Variants in ADAMTS12 observed in about 807,000 individuals in gnomAD.
ADAMTS12 encodes the protein A disintegrin and metalloproteinase with thrombospondin motifs 12.
In ADAMTS12, 118 loss-of-function variants were observed where a neutral mutation model predicts 167.8. The observed-to-expected ratio is 0.70, with a 90% confidence interval of 0.61 to 0.82. The LOEUF (loss-of-function observed/expected upper bound fraction) is 0.82. Ranked by LOEUF, ADAMTS12 falls within the 40% of genes least tolerant of loss-of-function variation. ADAMTS12 has a pLI of 0.00. For synonymous variants in ADAMTS12, 704 were observed against 716.9 expected (o/e 0.98, Z 0.29); for missense variants, 1,916 against 1,998.8 (o/e 0.96, Z 0.79).
chr5:33,633,447 A>G (rs1228184976), intron 12 of ADAMTS12, among the ~76,000 whole-genome samples: 1 of 151,508 alleles, frequency 6.6e-6, no homozygotes, highest in South Asian at 2.1e-4. Flanking sequence ...AGGAAATAAC[A>G]TTTATAATAA....
intron 2 of ADAMTS12, among the ~76,000 whole-genome samples, chr5:33,792,629 A>C (rs1269428641): frequency 2.0e-5 from 3 of 152,220 alleles, no homozygotes; most frequent in African/African-American, 4.8e-5. Context: ...CACTGCAGCT[A>C]TCTCTGACCC....
chr5:33,597,165 CT>C (rs1406675646), intron 16 of ADAMTS12, among the ~76,000 whole-genome samples: 2 of 152,220 alleles, frequency 1.3e-5, no homozygotes, highest in Non-Finnish European at 2.9e-5. Context: ...GAAAGGACCA[CT>C]GACTTTGATA....
At chr5:33,671,677 G>A (rs1741695547) in intron 5 of ADAMTS12, among the ~76,000 whole-genome samples, 1 of 151,878 alleles carries the variant, frequency 6.6e-6, no homozygotes, top group South Asian at 2.1e-4. Flanking sequence ...GAGTTACAGT[G>A]GGTAGGAAGA....
chr5:33,803,773 G>A (rs763945398), intron 2 of ADAMTS12, among the ~76,000 whole-genome samples: 1 of 152,156 alleles, frequency 6.6e-6, no homozygotes, highest in Admixed American at 6.5e-5. Flanking sequence ...GTGTGCAGGG[G>A]AACTGCCCTT....
intron 22 of ADAMTS12, among the ~76,000 whole-genome samples, chr5:33,544,216 T>C (rs1579643577): frequency 6.6e-6 from 1 of 152,120 alleles, no homozygotes; most frequent in East Asian, 1.9e-4. Context: ...TATACAACAA[T>C]AACAGACAAA....
At chr5:33,629,465 C>A (rs1227475935) in intron 13 of ADAMTS12, among the ~76,000 whole-genome samples, 1 of 152,100 alleles carries the variant, frequency 6.6e-6, no homozygotes, top group Non-Finnish European at 1.5e-5. Flanking sequence ...ACATATATTA[C>A]CTGTGAAAGT....
At chr5:33,575,225 G>T (rs566153601) in intron 19 of ADAMTS12, among the ~76,000 whole-genome samples, 1 of 152,262 alleles carries the variant, frequency 6.6e-6, no homozygotes, top group South Asian at 2.1e-4. Flanking sequence ...GATATGGCGA[G>T]CTATACAATT....
chr5:33,662,579 AG>A lies in ADAMTS12; in HGVS notation c.916-540del, dbSNP rs1360357007. 2.0e-5 allele frequency among the ~76,000 whole-genome samples: 3 copies of A among 152,320 alleles called. No homozygotes were observed. The East Asian group carries it at 5.8e-4, about 29-fold the overall frequency. On this transcript the variant is annotated intron_variant, in intron 5 of 23. Coordinates refer to ENST00000504830, the MANE Select transcript of ADAMTS12 (RefSeq NM_030955.4). Reference sequence around the variant, plus strand: ...AATCTCTCCAGGCTGCTGACCAGTTAGGAGAATTGGTCCTCTGACAACAAGT... The same window carrying A: ...AATCTCTCCAGGCTGCTGACCAGTTAGAGAATTGGTCCTCTGACAACAAGT...
chr5:33,725,936 G>A (rs952919874), intron 3 of ADAMTS12, among the ~76,000 whole-genome samples: 2 of 152,114 alleles, frequency 1.3e-5, no homozygotes, highest in Admixed American at 6.6e-5. Context: ...GCACACTCTC[G>A]TGCGAGAATC....
chr5:33,795,494 A>T (rs1388118873), intron 2 of ADAMTS12, among the ~76,000 whole-genome samples: 1 of 152,234 alleles, frequency 6.6e-6, no homozygotes, highest in Non-Finnish European at 1.5e-5. Flanking sequence ...ATCGAAAAAT[A>T]AATCTATTCA....
chr5:33,554,977 T>G (rs1490630117), intron 20 of ADAMTS12, among the ~76,000 whole-genome samples: 1 of 152,052 alleles, frequency 6.6e-6, no homozygotes, highest in African/African-American at 2.4e-5. Flanking sequence ...AAAAAAAAAG[T>G]AAAAATCTTT....
chr5:33,711,954 G>T (rs10078039), intron 3 of ADAMTS12, among the ~76,000 whole-genome samples: 26,007 of 152,040 alleles, frequency 0.17, 2,306 homozygotes, highest in East Asian at 0.27. Context: ...GATGCAGTAG[G>T]TTACCAGTGA....
At chr5:33,685,851 ACC>A (rs1443225953) in intron 3 of ADAMTS12, among the ~76,000 whole-genome samples, 1 of 151,306 alleles carries the variant, frequency 6.6e-6, no homozygotes. Context: ...ACTTTCTGAA[ACC>A]CCCTCCCTCA....
In ADAMTS12 at chr5:33,760,686, TTCTC is replaced by T. The variant is rs1745322088; in HGVS notation, c.490-9142_490-9139del. Among the ~76,000 whole-genome samples, 6 of 152,302 alleles carry T rather than the reference TTCTC, an allele frequency of 3.9e-5. No homozygotes were observed. The South Asian group carries it at 1.2e-3, about 32-fold the overall frequency. ...TAGCATCTAAAAAGCTCATCAGAAC[TTCTC>T]TCTAACACTGTTCTCAGGGACAAGG... is the stretch of plus-strand genomic sequence containing the variant. On this transcript the variant is annotated intron_variant, in intron 2 of 23. Transcript: ENST00000504830.
At chr5:33,578,281 G>A (rs987008433) in intron 18 of ADAMTS12, among the ~76,000 whole-genome samples, 6 of 152,126 alleles carry the variant, frequency 3.9e-5, no homozygotes, top group Non-Finnish European at 8.8e-5. Context: ...TATACATGAC[G>A]TCCCTATGAG....
At position 33,577,066 on chromosome 5, in the gene ADAMTS12, C is replaced by G. The variant is rs1294377906; in HGVS notation, c.2960G>C (p.Ser987Thr). ...TTGCTGGAGGCCACACAGAGCTCGGCTGTTGGGTTTCCTTGTCACATCGCA... is the reference window on the plus strand; with the variant it reads ...TTGCTGGAGGCCACACAGAGCTCGGGTGTTGGGTTTCCTTGTCACATCGCA... ...EPCDVTRKPN[S>T]RALCGLQQCP... The change falls in exon 19 of 24, where the codon AGC (serine) becomes ACC (threonine). Residue 987 changes from serine to threonine, a missense_variant. Physicochemically the swap from Ser to Thr is moderately conservative, Grantham distance 58 (BLOSUM62 1). Coordinates refer to ENST00000504830, the MANE Select transcript of ADAMTS12 (RefSeq NM_030955.4). 2 of 1,614,200 alleles carry G rather than the reference C, an allele frequency of 1.2e-6. No homozygotes were observed. Among genetic ancestry groups the G allele is most frequent in the Non-Finnish European group, 1.7e-6 (2 of 1,180,022 alleles).
At position 33,738,559 on chromosome 5, in the gene ADAMTS12, T is replaced by C. The variant is rs186955771; in HGVS notation, c.634+12845A>G. Among the ~76,000 whole-genome samples the C allele has an allele frequency of 1.1e-3, 170 of 152,356 alleles. 1 individual carries two copies. In the Middle Eastern group the frequency reaches 0.027, roughly 24 times the overall value. On this transcript the variant is annotated intron_variant, in intron 3 of 23. Transcript: ENST00000504830. Reference sequence around the variant, plus strand: ...CTCATGTCATGGGTCACCTGCCCTATCCTTTGGTTAGGAATGTTCCCTACT... The same window carrying C: ...CTCATGTCATGGGTCACCTGCCCTACCCTTTGGTTAGGAATGTTCCCTACT...
In ADAMTS12 at chr5:33,698,059, C is replaced by T. The variant is rs188586122; in HGVS notation, c.635-14004G>A. Among the ~76,000 whole-genome samples the T allele has an allele frequency of 1.4e-4, 21 of 152,134 alleles. No individual in the cohort carries two copies. In the East Asian group the frequency reaches 1.5e-3, roughly 11 times the overall value. On this transcript the variant is annotated intron_variant, in intron 3 of 23. Transcript: ENST00000504830. The stretch of plus-strand genomic sequence containing the variant: ...TGGGGGTGTGCAGAATGCAACTAGG[C>T]GGAGGAGAGGGGAGAGCCAACTGAG...
intron 18 of ADAMTS12, among the ~76,000 whole-genome samples, chr5:33,585,038 TATCC>T (rs34073710): frequency 0.35 from 52,526 of 150,360 alleles, 9,521 homozygotes; most frequent in Non-Finnish European, 0.4. Flanking sequence ...GTTATCCATG[TATCC>T]ATCCATCCAT....
Sources: gnomAD v4.1 joint callset for allele counts (sites outside exome capture counted in the v4.1 genomes callset) on GRCh38, gnomAD v4.1.1 for gene constraint, MANE v1.5 for transcripts, NCBI Gene and HGNC (gene_info 2026-07-23, HGNC 2026-07-21) for gene names.